The following SPTLC3 variants were observed in gnomAD, a reference collection of about 807,000 sequenced individuals.
SPTLC3 encodes serine palmitoyltransferase long chain base subunit 3, also known as serine palmitoyltransferase 3.
A neutral mutation model predicts 59.3 loss-of-function variants in SPTLC3; 36 were observed. That is an observed-to-expected ratio of 0.61 (90% CI 0.47 to 0.80). The LOEUF is 0.80. Among genes scored for constraint, SPTLC3 ranks in the 30% least tolerant of loss-of-function variants. The pLI is 0.00. For missense variants in SPTLC3, 625 were observed against 685.1 expected (o/e 0.91, Z 0.98); for synonymous variants, 257 against 240.8 (o/e 1.07, Z -0.62).
At chr20:13,125,880 C>A (rs2037977657) in intron 8 of SPTLC3, among the ~76,000 whole-genome samples, 1 of 152,228 alleles carries the variant, frequency 6.6e-6, no homozygotes, top group Non-Finnish European at 1.5e-5. Context: ...ATGGAAGCAA[C>A]TGCGAAGTTG....
At chr20:13,039,935 ATATT>A (rs1031916345) in intron 1 of SPTLC3, among the ~76,000 whole-genome samples, 1 of 152,044 alleles carries the variant, frequency 6.6e-6, no homozygotes, top group African/African-American at 2.4e-5. Context: ...TGACATCTAT[ATATT>A]TATAAAATCA....
In SPTLC3 at chr20:13,164,834, C is replaced by A; in HGVS notation, c.1626C>A (p.Leu542=). 2 of 1,613,702 alleles carry A rather than the reference C, an allele frequency of 1.2e-6. No homozygotes were observed. Among genetic ancestry groups the A allele is most frequent in the Non-Finnish European group, 1.7e-6 (2 of 1,179,808 alleles). The change falls in exon 12 of 12, where the codon CTC becomes CTA. Residue 542 remains leucine (L), a synonymous_variant. Transcript: ENST00000399002. ...ACAAGAAGTCAGCACGTCCTGAGCTCTATGATGAGACGAGCTTTGAACTCG... is the reference window on the plus strand; with the variant it reads ...ACAAGAAGTCAGCACGTCCTGAGCTATATGATGAGACGAGCTTTGAACTCG... ...SRHKKSARPE[L]YDETSFELED
chr20:13,073,130 C>T lies in SPTLC3; in HGVS notation c.458+720C>T, dbSNP rs746696545. ...CATTATTTTATAAACCACAGTCACCCTACTGATCTGAGTTTTATTTCTTCT... is the reference window on the plus strand; with the variant it reads ...CATTATTTTATAAACCACAGTCACCTTACTGATCTGAGTTTTATTTCTTCT... On this transcript the variant is annotated intron_variant, in intron 3 of 11. Coordinates refer to ENST00000399002, the MANE Select transcript of SPTLC3 (RefSeq NM_018327.4). 5.7e-4 allele frequency among the ~76,000 whole-genome samples: 86 copies of T among 152,116 alleles called. 1 individual carries two copies. Among genetic ancestry groups the T allele is most frequent in the Non-Finnish European group, 1.0e-3 (70 of 68,014 alleles).
At chr20:13,088,911 G>A (rs1390813521) in intron 4 of SPTLC3, among the ~76,000 whole-genome samples, 6 of 151,830 alleles carry the variant, frequency 4.0e-5, no homozygotes, top group South Asian at 2.1e-4. Context: ...GATTACAGGC[G>A]TGGGCCACGC....
chr20:13,049,179 A>G (rs1430328731), intron 2 of SPTLC3, 49 bp downstream of exon 2: 1 of 1,594,528 alleles, frequency 6.3e-7, no homozygotes, highest in Non-Finnish European at 8.6e-7. Flanking sequence ...ACTCCTCTCT[A>G]AAGTGTTCTC....
In SPTLC3 at chr20:13,114,225, C is replaced by T. The variant is rs540912949; in HGVS notation, c.933-3281C>T. Among the ~76,000 whole-genome samples, 7 of 152,284 alleles carry T rather than the reference C, an allele frequency of 4.6e-5. No individual in the cohort carries two copies. The East Asian group carries it at 9.6e-4, about 21-fold the overall frequency. ...CACAGGGGCATTGAAACGTAAAACC[C>T]AAAGTTTCATGAATGCATGATTTGG... On this transcript the variant is annotated intron_variant, in intron 7 of 11. Transcript: ENST00000399002.
chr20:13,063,899 G>A (rs192393840), intron 2 of SPTLC3, among the ~76,000 whole-genome samples: 3 of 152,048 alleles, frequency 2.0e-5, no homozygotes, highest in Admixed American at 1.3e-4. Context: ...CAAGTGATAC[G>A]CCCGCCTCGG....
chr20:13,061,251 C>T (rs139426349), intron 2 of SPTLC3, among the ~76,000 whole-genome samples: 90 of 152,252 alleles, frequency 5.9e-4, no homozygotes, highest in Non-Finnish European at 9.3e-4. Context: ...TTCTAGAAAG[C>T]TGCATATCAT....
intron 2 of SPTLC3, among the ~76,000 whole-genome samples, chr20:13,067,465 C>T (rs1216182481): frequency 6.6e-6 from 1 of 152,144 alleles, no homozygotes; most frequent in African/African-American, 2.4e-5. Context: ...TCAGATCTTA[C>T]TTATGTCTGT....
chr20:13,016,789 T>A (rs1485845105), intron 1 of SPTLC3, among the ~76,000 whole-genome samples: 2 of 152,148 alleles, frequency 1.3e-5, no homozygotes, highest in Non-Finnish European at 2.9e-5. Flanking sequence ...GTTAAATCTT[T>A]GGGAGGTAAT....
At chr20:13,154,219 T>C in intron 10 of SPTLC3, 81 bp downstream of exon 10, 6 of 1,559,572 alleles carry the variant, frequency 3.8e-6, no homozygotes, top group Non-Finnish European at 5.2e-6. Flanking sequence ...CGTTAGATTA[T>C]GCATCTGGAA....
chr20:13,099,696 G>A (rs552673795), intron 6 of SPTLC3, among the ~76,000 whole-genome samples: 10 of 152,348 alleles, frequency 6.6e-5, no homozygotes, highest in African/African-American at 2.4e-4. Context: ...ACTGAATGGA[G>A]TTATAATATG....
At chr20:13,132,735 A>G (rs1178788554) in intron 9 of SPTLC3, 4 of 151,642 alleles carry the variant, frequency 2.6e-5, no homozygotes, top group Admixed American at 1.3e-4. Context: ...TTCCCTTTCC[A>G]TCTTCTAAAG....
At chr20:13,121,978 A>C (rs2037877484) in intron 8 of SPTLC3, among the ~76,000 whole-genome samples, 1 of 152,216 alleles carries the variant, frequency 6.6e-6, no homozygotes, top group Non-Finnish European at 1.5e-5. Context: ...GCCCTTTTCA[A>C]GATCAAAGGA....
At chr20:13,096,444 T>TAA (rs36093957) in intron 6 of SPTLC3, among the ~76,000 whole-genome samples, 360 of 145,076 alleles carry the variant, frequency 2.5e-3, no homozygotes, top group African/African-American at 6.6e-3. Context: ...ACTCCACAAT[T>TAA]AAAAAAAAAA....
chr20:13,160,463 T>C (rs925398426), intron 11 of SPTLC3, among the ~76,000 whole-genome samples: 9 of 152,214 alleles, frequency 5.9e-5, no homozygotes, highest in African/African-American at 2.2e-4. Context: ...CTTAATTACA[T>C]GCATCCTGAC....
intron 8 of SPTLC3, among the ~76,000 whole-genome samples, chr20:13,120,585 G>A (rs1003199403): frequency 6.6e-6 from 1 of 152,140 alleles, no homozygotes; most frequent in African/African-American, 2.4e-5. Flanking sequence ...ACAGTGTCTA[G>A]GAGGTTCTGG....
intron 1 of SPTLC3, among the ~76,000 whole-genome samples, chr20:13,040,094 G>A (rs1986912184): frequency 1.3e-5 from 2 of 151,390 alleles, no homozygotes; most frequent in Non-Finnish European, 2.9e-5. Context: ...TACATATTGA[G>A]AAAGAAAGAG....
chr20:13,023,193 C>A (rs1311352578), intron 1 of SPTLC3, among the ~76,000 whole-genome samples: 3 of 151,532 alleles, frequency 2.0e-5, no homozygotes, highest in African/African-American at 7.3e-5. Flanking sequence ...AAAATTGCAA[C>A]CCACCCCCCA....
Sources: gnomAD v4.1 joint callset for allele counts (sites outside exome capture counted in the v4.1 genomes callset) on GRCh38, gnomAD v4.1.1 for gene constraint, MANE v1.5 for transcripts, NCBI Gene and HGNC (gene_info 2026-07-23, HGNC 2026-07-21) for gene names.